The following TSNAX variants were observed in gnomAD, a reference collection of about 807,000 sequenced individuals.
The protein encoded by TSNAX is translin-associated protein X.
Under a neutral mutation model 33.0 loss-of-function variants are expected in TSNAX, and 12 were observed. The observed-to-expected ratio is 0.36, with a 90% CI of 0.23 to 0.59. TSNAX has a LOEUF of 0.59. Among genes scored for constraint, TSNAX ranks in the 20% least tolerant of loss-of-function variants. The pLI is 0.74. For synonymous variants in TSNAX, 110 were observed against 117.2 expected (o/e 0.94, Z 0.40); for missense variants, 267 against 341.3 (o/e 0.78, Z 1.72).
At position 231,542,531 on chromosome 1, in the gene TSNAX, G is replaced by A. The variant is rs372784677; in HGVS notation, c.287G>A (p.Gly96Asp). The change falls in exon 4 of 6, where the codon GGT becomes GAT. Residue 96 changes from glycine (G) to aspartate (D), a missense_variant. Transcript: ENST00000366639. ...ACTGAATCAGAAATTAAATTGGATGGTGTCAGACAAAAGATATTCCAGGTA... is the reference window on the plus strand; with the variant it reads ...ACTGAATCAGAAATTAAATTGGATGATGTCAGACAAAAGATATTCCAGGTA... ...ILTESEIKLD[G>D]VRQKIFQVAQ... 2 of 1,613,898 alleles carry A rather than the reference G, an allele frequency of 1.2e-6. No homozygotes were observed. The highest frequency in any genetic ancestry group is 2.7e-5 in the African/African-American group (2 of 74,906).
At chr1:231,554,348 G>A (rs1356378923) in intron 4 of TSNAX, among the ~76,000 whole-genome samples, 2 of 152,114 alleles carry the variant, frequency 1.3e-5, no homozygotes, top group African/African-American at 4.8e-5. Context: ...ACCTTGGTGA[G>A]GAGAAACAGA....
At chr1:231,530,518 C>A (rs1658618398) in intron 2 of TSNAX, among the ~76,000 whole-genome samples, 1 of 151,902 alleles carries the variant, frequency 6.6e-6, no homozygotes, top group Non-Finnish European at 1.5e-5. Flanking sequence ...CATGGTGAAA[C>A]CCTGACTCTA....
Position 231,565,851 on chromosome 1 carries a change from G to A in TSNAX, c.*946G>A, listed in dbSNP as rs1481457148. On this transcript the variant is annotated 3_prime_UTR_variant, in exon 6 of 6. Transcript: ENST00000366639. ...AACCTTCCATAAAAATTTGACAGGT[G>A]CCCAGATGTTGCTTTCTCCATTTAT... is the stretch of plus-strand genomic sequence containing the variant. 2.0e-5 allele frequency: 3 copies of A among 151,974 alleles called. No homozygotes were observed. The highest frequency in any genetic ancestry group is 1.3e-4 in the Admixed American group (2 of 15,266). 9.4% of individuals were successfully genotyped at this position (151,974 alleles called of 1,614,324 possible). A position where few individuals can be genotyped will look rare whatever the true frequency, so the allele number is the denominator to read the frequency against.
chr1:231,544,038 T>G lies in TSNAX; in HGVS notation c.367+1427T>G, dbSNP rs201089479. 3.6e-4 allele frequency among the ~76,000 whole-genome samples: 55 copies of G among 152,332 alleles called. No homozygotes were observed. The South Asian group carries it at 4.8e-3, about 13-fold the overall frequency. On this transcript the variant is annotated intron_variant, in intron 4 of 5. Coordinates refer to ENST00000366639, the MANE Select transcript of TSNAX (RefSeq NM_005999.3). ...ATGAGAATATCTTTATAATAGTAGC[T>G]GTGACCATACTACAGATAGATTCAT...
At chr1:231,551,769 C>T (rs1216337927) in intron 4 of TSNAX, among the ~76,000 whole-genome samples, 1 of 137,164 alleles carries the variant, frequency 7.3e-6, no homozygotes, top group African/African-American at 2.8e-5. Context: ...GTCTGTGCAA[C>T]TTAGCAAAAC....
At chr1:231,538,240 AACTT>A (rs1659319739) in intron 3 of TSNAX, among the ~76,000 whole-genome samples, 1 of 152,238 alleles carries the variant, frequency 6.6e-6, no homozygotes, top group South Asian at 2.1e-4. Flanking sequence ...AAAAGAAACT[AACTT>A]AAACTAGTCT....
chr1:231,532,159 C>CACACACACACACACACACACACAG (rs1558118097), intron 2 of TSNAX, among the ~76,000 whole-genome samples: 1 of 89,350 alleles, frequency 1.1e-5, no homozygotes, highest in East Asian at 2.1e-4. Context: ...CACACACACA[C>CACACACACACACACACACACACAG]ACACACACAC....
intron 4 of TSNAX, among the ~76,000 whole-genome samples, chr1:231,543,577 G>T (rs1462341571): frequency 6.6e-6 from 1 of 152,124 alleles, no homozygotes; most frequent in African/African-American, 2.4e-5. Flanking sequence ...AGATTTGCAG[G>T]AAGACTGGGA....
Position 231,537,217 on chromosome 1 carries a change from TCAG to T in TSNAX, c.130_132del (p.Gln44del). 1 of 1,609,270 alleles carries T rather than the reference TCAG, an allele frequency of 6.2e-7. No homozygotes were observed. The highest frequency in any genetic ancestry group is 8.5e-7 in the Non-Finnish European group (1 of 1,177,482). ...ATGATCATAATGTGTTTTTAGCATTTCAGCAGGAACTTGATGCAAGGCATGACA... is the reference window on the plus strand; with the variant it reads ...ATGATCATAATGTGTTTTTAGCATTTCAGGAACTTGATGCAAGGCATGACA... On this transcript the variant is annotated inframe_deletion, in exon 3 of 6. Transcript: ENST00000366639.
intron 4 of TSNAX, chr1:231,542,959 A>G (rs1003337590): frequency 1.3e-5 from 2 of 156,620 alleles, no homozygotes; most frequent in Non-Finnish European, 2.8e-5. Flanking sequence ...CGGGTGGATC[A>G]CCAGGTCAGG....
intron 3 of TSNAX, among the ~76,000 whole-genome samples, chr1:231,540,534 T>C (rs1297770874): frequency 6.6e-6 from 1 of 152,248 alleles, no homozygotes; most frequent in Non-Finnish European, 1.5e-5. Context: ...TTGAATCCTT[T>C]TAAATTTATG....
At chr1:231,549,443 TA>T (rs1305542787) in intron 4 of TSNAX, among the ~76,000 whole-genome samples, 38 of 152,094 alleles carry the variant, frequency 2.5e-4, no homozygotes, top group African/African-American at 8.7e-4. Flanking sequence ...AAAATAAAAA[TA>T]AAAGAATGAA....
At chr1:231,562,843 T>C (rs1047992542) in intron 5 of TSNAX, among the ~76,000 whole-genome samples, 3 of 152,224 alleles carry the variant, frequency 2.0e-5, no homozygotes, top group African/African-American at 7.2e-5. Context: ...TATTTAATTT[T>C]TATTTTAAAA....
Position 231,547,056 on chromosome 1 carries a change from T to C in TSNAX, c.367+4445T>C, listed in dbSNP as rs570897944. Among the ~76,000 whole-genome samples, 19 of 152,376 alleles carry C rather than the reference T, an allele frequency of 1.2e-4. 1 individual carries two copies. The South Asian group carries it at 3.7e-3, about 30-fold the overall frequency. ...ATGTTTGATGAATAGTTAATTTTTCTCTGCCTGATATGGTAATTTGATGTT... is the reference window on the plus strand; with the variant it reads ...ATGTTTGATGAATAGTTAATTTTTCCCTGCCTGATATGGTAATTTGATGTT... On this transcript the variant is annotated intron_variant, in intron 4 of 5. Coordinates refer to ENST00000366639, the MANE Select transcript of TSNAX (RefSeq NM_005999.3).
chr1:231,551,581 A>G (rs1185442382), intron 4 of TSNAX, among the ~76,000 whole-genome samples: 2 of 152,108 alleles, frequency 1.3e-5, no homozygotes, highest in African/African-American at 4.8e-5. Context: ...TTAATCTATA[A>G]TATTGTACTA....
rs925156394 is a variant in TSNAX, at chr1:231,543,127, G to A, written c.367+516G>A. Among the ~76,000 whole-genome samples, 25 of 151,298 alleles carry A rather than the reference G, an allele frequency of 1.7e-4. No individual in the cohort carries two copies. The East Asian group carries it at 2.9e-3, about 18-fold the overall frequency. The stretch of plus-strand genomic sequence containing the variant: ...CGGGAGGTGGAGGTTGCAGTGAGCC[G>A]AGATCGCACCACTGCACTCCAGCCT... On this transcript the variant is annotated intron_variant, in intron 4 of 5. Coordinates refer to ENST00000366639, the MANE Select transcript of TSNAX (RefSeq NM_005999.3).
intron 3 of TSNAX, among the ~76,000 whole-genome samples, chr1:231,540,171 CTCAAAAAAAAAA>C: frequency 1.2e-5 from 1 of 80,038 alleles, no homozygotes; most frequent in South Asian, 4.9e-4. Flanking sequence ...AGGACTCTGT[CTCAAAAAAAAAA>C]AAAAAAAAAA....
chr1:231,561,338 T>C, intron 5 of TSNAX, 83 bp downstream of exon 5: 2 of 1,119,476 alleles, frequency 1.8e-6, no homozygotes, highest in Non-Finnish European at 2.5e-6. Context: ...TGGCTTATGC[T>C]AAGATTGAGA....
intron 4 of TSNAX, among the ~76,000 whole-genome samples, chr1:231,557,662 C>T (rs1179512678): frequency 2.0e-5 from 3 of 151,814 alleles, no homozygotes; most frequent in Non-Finnish European, 4.4e-5. Flanking sequence ...CTGTAAGATT[C>T]AGTATAGAAC....
Sources: allele counts gnomAD v4.1 joint callset (sites outside exome capture counted in the v4.1 genomes callset), GRCh38; gene constraint gnomAD v4.1.1; transcripts MANE v1.5; gene names NCBI Gene and HGNC (gene_info 2026-07-23, HGNC 2026-07-21).